ALPK2: variants seen among roughly 807,000 people sequenced by gnomAD.
ALPK2 encodes alpha-protein kinase 2.
Under a neutral mutation model 163.1 loss-of-function variants are expected in ALPK2, and 127 were observed. That is an observed-to-expected ratio of 0.78 (90% CI 0.67 to 0.90). ALPK2 has a LOEUF of 0.90. Ranked by LOEUF, ALPK2 falls within the 40% of genes least tolerant of loss-of-function variation. ALPK2 has a pLI of 0.00. For missense variants in ALPK2, 2,360 were observed against 2,589.6 expected (o/e 0.91, Z 1.92); for synonymous variants, 953 against 959.1 (o/e 0.99, Z 0.12).
intron 3 of ALPK2, among the ~76,000 whole-genome samples, chr18:58,593,363 A>C (rs1431329326): frequency 6.6e-6 from 1 of 151,346 alleles, no homozygotes; most frequent in Non-Finnish European, 1.5e-5. Context: ...CAGGAGTTCA[A>C]GACCAGCCTG....
At chr18:58,582,095 G>A (rs186994153) in intron 3 of ALPK2, among the ~76,000 whole-genome samples, 55 of 152,228 alleles carry the variant, frequency 3.6e-4, no homozygotes, top group Non-Finnish European at 5.6e-4. Flanking sequence ...ATTCAGGAGC[G>A]GCTGAGATTG....
chr18:58,488,418 T>C (rs2051351546), intron 12 of ALPK2, among the ~76,000 whole-genome samples: 1 of 144,220 alleles, frequency 6.9e-6, no homozygotes, highest in African/African-American at 2.6e-5. Flanking sequence ...CACCAACTGA[T>C]AGCAGCAGGG....
intron 3 of ALPK2, among the ~76,000 whole-genome samples, chr18:58,584,744 A>G (rs917981711): frequency 6.6e-6 from 1 of 152,210 alleles, no homozygotes; most frequent in Admixed American, 6.5e-5. Context: ...TTACTTTCCC[A>G]GAGAACCTTG....
chr18:58,503,864 T>A, intron 11 of ALPK2, 67 bp downstream of exon 11: 1 of 1,449,198 alleles, frequency 6.9e-7, no homozygotes, highest in Non-Finnish European at 9.5e-7. Context: ...CTCCCCTCCC[T>A]CTCCACCCAC....
rs562420094 is a variant in ALPK2 at position 58,623,196 on chromosome 18, G to A, written c.-21+5568C>T. Among the ~76,000 whole-genome samples, 41 of 152,132 alleles carry A rather than the reference G, an allele frequency of 2.7e-4. No individual in the cohort carries two copies. In the East Asian group the frequency reaches 7.2e-3, roughly 27 times the overall value. ...AACCCAGCCAGTCAGAGTGTCTTAG[G>A]GGAACACTTTTCATATAATGCCTCC... On this transcript the variant is annotated intron_variant, in intron 1 of 12. Transcript: ENST00000361673.
At chr18:58,523,908 G>A (rs931597634) in intron 7 of ALPK2, 27 bp downstream of exon 7, 1 of 1,613,852 alleles carries the variant, frequency 6.2e-7, no homozygotes, top group African/African-American at 1.3e-5. Flanking sequence ...AGGGGCCAGT[G>A]GTTTTTCATT....
chr18:58,572,557 C>A (rs1338253153), intron 4 of ALPK2, among the ~76,000 whole-genome samples: 1 of 152,044 alleles, frequency 6.6e-6, no homozygotes, highest in Non-Finnish European at 1.5e-5. Context: ...AAGGAATGAA[C>A]TTTTGATACA....
Position 58,557,007 on chromosome 18 carries a change from G to A in ALPK2, c.1963-18783C>T, listed in dbSNP as rs1046297096. On this transcript the variant is annotated intron_variant, in intron 4 of 12. Transcript: ENST00000361673. ...AGATGAATGGAACATGTCCTCTTTC[G>A]TCCTGTAGCTCCACGGTAACCTGAG... 10 of 152,424 alleles carry A rather than the reference G, an allele frequency of 6.6e-5. No individual in the cohort carries two copies. The East Asian group carries it at 7.7e-4, about 12-fold the overall frequency. The allele number at this position is 152,424 out of a possible 1,614,324, so 9.4% of individuals were successfully genotyped here. A position where few individuals can be genotyped will look rare whatever the true frequency, so the allele number is the denominator to read the frequency against.
chr18:58,574,438 C>CAA (rs34107333), intron 4 of ALPK2, among the ~76,000 whole-genome samples: 577 of 48,972 alleles, frequency 0.012, 12 homozygotes, highest in African/African-American at 0.033. Flanking sequence ...GACTCCATCT[C>CAA]AAAAAAAAAA....
At position 58,578,679 on chromosome 18, in the gene ALPK2, C is replaced by A. The variant is rs577119622; in HGVS notation, c.1962+135G>T. On this transcript the variant is annotated intron_variant, in intron 4 of 12. Transcript: ENST00000361673. ...CAAGTACCCTGATGGTGTTGGGAAA[C>A]TTATTTTGATTTACATTATGGTATA... is the stretch of plus-strand genomic sequence containing the variant. The A allele has an allele frequency of 8.3e-6, 7 of 846,976 alleles. No individual in the cohort carries two copies. The South Asian group carries it at 1.2e-4, about 14-fold the overall frequency. The allele number at this position is 846,976 out of a possible 1,614,324, so 52.5% of individuals were successfully genotyped here. A position where few individuals can be genotyped will look rare whatever the true frequency, so the allele number is the denominator to read the frequency against.
intron 8 of ALPK2, among the ~76,000 whole-genome samples, chr18:58,519,561 A>G (rs1318491724): frequency 6.6e-6 from 1 of 152,246 alleles, no homozygotes; most frequent in Non-Finnish European, 1.5e-5. Context: ...AGTAGGAAGG[A>G]AAATTTGTTT....
At chr18:58,517,590 C>T (rs1445934276) in intron 8 of ALPK2, among the ~76,000 whole-genome samples, 2 of 151,722 alleles carry the variant, frequency 1.3e-5, no homozygotes, top group Admixed American at 6.6e-5. Flanking sequence ...ATTATTGCCC[C>T]CCACCCCCCG....
chr18:58,598,869 C>T (rs952547690), intron 3 of ALPK2, among the ~76,000 whole-genome samples: 2 of 152,172 alleles, frequency 1.3e-5, no homozygotes, highest in African/African-American at 2.4e-5. Flanking sequence ...CCAAGAACTT[C>T]CCTAATGTGC....
chr18:58,588,500 A>G (rs1219386085), intron 3 of ALPK2, among the ~76,000 whole-genome samples: 1 of 152,040 alleles, frequency 6.6e-6, no homozygotes, highest in Non-Finnish European at 1.5e-5. Context: ...GGTTTTCTGC[A>G]CCTATTAACC....
At chr18:58,604,587 G>A (rs1443670116) in intron 3 of ALPK2, among the ~76,000 whole-genome samples, 4 of 152,184 alleles carry the variant, frequency 2.6e-5, no homozygotes, top group Admixed American at 6.5e-5. Flanking sequence ...AACTTCCCAC[G>A]ATCATTAGTG....
intron 11 of ALPK2, among the ~76,000 whole-genome samples, chr18:58,502,820 A>G (rs2051439494): frequency 1.3e-5 from 2 of 152,252 alleles, no homozygotes; most frequent in South Asian, 4.2e-4. Flanking sequence ...TAGCTTGCCC[A>G]TGTGGGCAGG....
intron 4 of ALPK2, among the ~76,000 whole-genome samples, chr18:58,541,762 A>G (rs1266014654): frequency 6.6e-6 from 1 of 152,090 alleles, no homozygotes; most frequent in Middle Eastern, 3.2e-3. Flanking sequence ...ATTTTAACCA[A>G]TGGGGTTTTT....
chr18:58,607,515 G>C lies in ALPK2; in HGVS notation c.110-76C>G, dbSNP rs566621157. 5.4e-6 allele frequency: 5 copies of C among 920,842 alleles called. No homozygotes were observed. The East Asian group carries it at 1.0e-4, about 19-fold the overall frequency. The allele number at this position is 920,842 out of a possible 1,614,324, so 57.0% of individuals were successfully genotyped here. ...AAAAAAAAAAAACCCATAAAGCTAT[G>C]AACAAGGATGGACAGTAAGCAACAG... On this transcript the variant is annotated intron_variant, in intron 2 of 12. Transcript: ENST00000361673.
intron 1 of ALPK2, among the ~76,000 whole-genome samples, chr18:58,625,936 G>A (rs1285909224): frequency 6.6e-6 from 1 of 152,254 alleles, no homozygotes; most frequent in Non-Finnish European, 1.5e-5. Flanking sequence ...ATAAGGGCTT[G>A]AAACATGTTT....
Sources: gnomAD v4.1 joint callset for allele counts (sites outside exome capture counted in the v4.1 genomes callset) on GRCh38, gnomAD v4.1.1 for gene constraint, MANE v1.5 for transcripts, NCBI Gene and HGNC (gene_info 2026-07-23, HGNC 2026-07-21) for gene names.